Variants in NELL1 observed in about 807,000 individuals in gnomAD.
NELL1 encodes neural EGFL like 1.
Under a neutral mutation model 107.4 loss-of-function variants are expected in NELL1, and 76 were observed. The observed-to-expected ratio is 0.71, with a 90% CI of 0.59 to 0.86. The LOEUF is 0.86. Among genes scored for constraint, NELL1 ranks in the 40% least tolerant of loss-of-function variants. NELL1 has a pLI of 0.00. For missense variants in NELL1, 1,024 were observed against 1,005.5 expected (o/e 1.02, Z -0.25); for synonymous variants, 353 against 341.2 (o/e 1.03, Z -0.38).
chr11:20,847,128 T>C (rs1848714310), intron 3 of NELL1, among the ~76,000 whole-genome samples: 1 of 152,226 alleles, frequency 6.6e-6, no homozygotes, highest in Admixed American at 6.6e-5. Context: ...ACTAATCTTT[T>C]CATTCTGACA....
chr11:21,242,974 A>G (rs1858401273), intron 14 of NELL1, among the ~76,000 whole-genome samples: 1 of 152,222 alleles, frequency 6.6e-6, no homozygotes, highest in African/African-American at 2.4e-5. Context: ...TGTCCATATG[A>G]CAGTTCCCTT....
chr11:21,161,230 C>T (rs191330105), intron 13 of NELL1, among the ~76,000 whole-genome samples: 203 of 152,202 alleles, frequency 1.3e-3, no homozygotes, highest in African/African-American at 4.7e-3. Context: ...GTCATCATTT[C>T]TCTGTCATTT....
chr11:21,135,868 A>G (rs370632521), intron 13 of NELL1, among the ~76,000 whole-genome samples: 21 of 152,278 alleles, frequency 1.4e-4, no homozygotes, highest in African/African-American at 5.1e-4. Flanking sequence ...ATATTTATCA[A>G]TTTTTGGTCC....
intron 12 of NELL1, among the ~76,000 whole-genome samples, chr11:21,049,443 C>T (rs1361822484): frequency 6.6e-6 from 1 of 152,078 alleles, no homozygotes; most frequent in African/African-American, 2.4e-5. Flanking sequence ...TTTCTCTCTC[C>T]CAAAGAAATT....
At chr11:21,235,567 T>C (rs1476270313) in intron 14 of NELL1, among the ~76,000 whole-genome samples, 1 of 152,124 alleles carries the variant, frequency 6.6e-6, no homozygotes, top group Non-Finnish European at 1.5e-5. Flanking sequence ...AAGGGTCATA[T>C]TGAAATAACT....
chr11:21,284,524 T>C (rs1443434643), intron 14 of NELL1: 2 of 459,402 alleles, frequency 4.4e-6, no homozygotes, highest in Admixed American at 4.7e-5. Context: ...TATCCTCAGC[T>C]CACCTTAGAA....
At chr11:21,513,324 C>G (rs1427199833) in intron 15 of NELL1, among the ~76,000 whole-genome samples, 1 of 151,876 alleles carries the variant, frequency 6.6e-6, no homozygotes, top group East Asian at 1.9e-4. Context: ...TTATTTTTTT[C>G]CAAAAATAAT....
At chr11:20,859,726 G>A (rs181028224) in intron 4 of NELL1, among the ~76,000 whole-genome samples, 71 of 152,236 alleles carry the variant, frequency 4.7e-4, no homozygotes, top group African/African-American at 1.7e-3. Flanking sequence ...ATTTAGGAGG[G>A]CATTTGTCGT....
chr11:20,993,971 G>A (rs542700170), intron 12 of NELL1, among the ~76,000 whole-genome samples: 1 of 151,456 alleles, frequency 6.6e-6, no homozygotes, highest in African/African-American at 2.4e-5. Flanking sequence ...TGACAAATAT[G>A]ATTCTAATAT....
rs1855386075 is a variant in NELL1, at chr11:21,122,296, A to G, written c.1426+8582A>G. ...CAGAATCACAATAAGGCTTTCTCAT[A>G]AAGGAGTTTCATTAAGGATGCTTTA... On this transcript the variant is annotated intron_variant, in intron 13 of 19. Coordinates refer to ENST00000357134, the MANE Select transcript of NELL1 (RefSeq NM_006157.5). Among the ~76,000 whole-genome samples the G allele has an allele frequency of 3.3e-5, 5 of 152,172 alleles. No individual in the cohort carries two copies. The South Asian group carries it at 1.0e-3, about 31-fold the overall frequency.
At chr11:20,895,379 C>G (rs1849710631) in intron 5 of NELL1, among the ~76,000 whole-genome samples, 1 of 147,786 alleles carries the variant, frequency 6.8e-6, no homozygotes, top group Admixed American at 6.9e-5. Flanking sequence ...CATCCTTGCT[C>G]CATGTACCCC....
intron 15 of NELL1, among the ~76,000 whole-genome samples, chr11:21,477,279 T>C (rs1486376954): frequency 2.0e-5 from 3 of 152,080 alleles, no homozygotes; most frequent in Admixed American, 2.0e-4. Context: ...CACAGTAAGA[T>C]AGGGCACCAA....
chr11:20,814,088 C>T (rs1186588175), intron 3 of NELL1, among the ~76,000 whole-genome samples: 4 of 151,978 alleles, frequency 2.6e-5, no homozygotes, highest in South Asian at 2.1e-4. Flanking sequence ...CTCCACCTCC[C>T]GGGTTCATGC....
chr11:21,038,249 G>A (rs1472805376), intron 12 of NELL1, among the ~76,000 whole-genome samples: 1 of 152,152 alleles, frequency 6.6e-6, no homozygotes, highest in African/African-American at 2.4e-5. Context: ...AGGCCTGGAA[G>A]ATAATAATGA....
At position 20,928,367 on chromosome 11, in the gene NELL1, C is replaced by T; in HGVS notation, c.895-10C>T. On this transcript the variant is annotated splice_polypyrimidine_tract_variant and intron_variant, in intron 8 of 19. Coordinates refer to ENST00000357134, the MANE Select transcript of NELL1 (RefSeq NM_006157.5). ...TTCTGAGATTATGTTCCATGTCCTT[C>T]CTTCCTCAGAGTGGTGCCGTGGAAT... 1 of 1,609,426 alleles carries T rather than the reference C, an allele frequency of 6.2e-7. No homozygotes were observed. Among genetic ancestry groups the T allele is most frequent in the South Asian group, 1.1e-5 (1 of 91,012 alleles).
At chr11:20,896,412 G>A (rs991724044) in intron 5 of NELL1, among the ~76,000 whole-genome samples, 1 of 152,100 alleles carries the variant, frequency 6.6e-6, no homozygotes, top group African/African-American at 2.4e-5. Context: ...CCGTGTCTTT[G>A]CAATTGAGAA....
At chr11:21,102,034 G>A (rs1314144585) in intron 12 of NELL1, among the ~76,000 whole-genome samples, 1 of 151,998 alleles carries the variant, frequency 6.6e-6, no homozygotes. Context: ...TGTGTTTTTA[G>A]TAGAAACGGG....
At chr11:21,212,445 C>T (rs747784955) in intron 13 of NELL1, among the ~76,000 whole-genome samples, 1 of 152,082 alleles carries the variant, frequency 6.6e-6, no homozygotes, top group Non-Finnish European at 1.5e-5. Flanking sequence ...AGTCCCAGTC[C>T]TTCTAGGTTC....
At chr11:21,531,343 A>G (rs548755791) in intron 15 of NELL1, among the ~76,000 whole-genome samples, 2 of 152,314 alleles carry the variant, frequency 1.3e-5, no homozygotes, top group South Asian at 4.1e-4. Context: ...ATCTTTCTGT[A>G]AATAATCCTT....
Sources: allele counts gnomAD v4.1 joint callset (sites outside exome capture counted in the v4.1 genomes callset), GRCh38; gene constraint gnomAD v4.1.1; transcripts MANE v1.5; gene names NCBI Gene and HGNC (gene_info 2026-07-23, HGNC 2026-07-21).